The following TRPV5 variants were observed in gnomAD, a reference collection of about 807,000 sequenced individuals.
TRPV5 encodes the protein transient receptor potential cation channel subfamily V member 5.
Under a neutral mutation model 74.1 loss-of-function variants are expected in TRPV5, and 66 were observed. That is an observed-to-expected ratio of 0.89 (90% CI 0.73 to 1.09). TRPV5 has a LOEUF of 1.09. Ranked by LOEUF, TRPV5 falls within the 50% of genes least tolerant of loss-of-function variation. TRPV5 has a pLI of 0.00. For synonymous variants in TRPV5, 399 were observed against 360.7 expected (o/e 1.11, Z -1.20); for missense variants, 936 against 930.4 (o/e 1.01, Z -0.08).
At chr7:142,932,720 C>T (rs1267345081) in intron 1 of TRPV5, among the ~76,000 whole-genome samples, 3 of 152,130 alleles carry the variant, frequency 2.0e-5, no homozygotes, top group African/African-American at 4.8e-5. Flanking sequence ...TAGCCCTGCC[C>T]GAACTAAGAG....
intron 8 of TRPV5, among the ~76,000 whole-genome samples, chr7:142,918,427 C>G (rs1044353004): frequency 3.9e-5 from 6 of 152,248 alleles, no homozygotes; most frequent in African/African-American, 1.4e-4. Context: ...CCCATGCCAT[C>G]TACCATCTAG....
At position 142,915,562 on chromosome 7, in the gene TRPV5, A is replaced by G; in HGVS notation, c.1129T>C (p.Tyr377His). 2 of 1,614,094 alleles carry G rather than the reference A, an allele frequency of 1.2e-6. No individual in the cohort carries two copies. The highest frequency in any genetic ancestry group is 8.5e-7 in the Non-Finnish European group (1 of 1,179,990). Residue 377 changes from tyrosine (Y) to histidine (H), a missense_variant, in exon 9 of 15, where the codon TAT becomes CAT. Tyr to His is a moderately conservative substitution (Grantham distance 83, BLOSUM62 2). Coordinates refer to ENST00000265310, the MANE Select transcript of TRPV5 (RefSeq NM_019841.7). Reference protein sequence around the residue: ...ILQQKLLQEAYETREDIIRLV... With the variant: ...ILQQKLLQEAHETREDIIRLV... ...CTGATGATATCTTCACGTGTCTCAT[A>G]GGCCTCCTATGTGGGGAAATTCAGA... is the stretch of plus-strand genomic sequence containing the variant.
intron 8 of TRPV5, among the ~76,000 whole-genome samples, chr7:142,924,233 T>TATATATACATATACATGTATATATATAC (rs1795930827): frequency 1.4e-5 from 2 of 140,306 alleles, no homozygotes; most frequent in African/African-American, 5.5e-5. Flanking sequence ...TATATACATA[T>TATATATACATATACATGTATATATATAC]ATATATATAT....
chr7:142,908,907 C>CAGGGTCA, intron 14 of TRPV5, 99 bp from the exon 15 acceptor site: 1 of 1,233,668 alleles, frequency 8.1e-7, no homozygotes, highest in Non-Finnish European at 1.1e-6. Context: ...AAGAGGGAAG[C>CAGGGTCA]AGAAATAAGG....
rs1796046696 is a variant in TRPV5 at position 142,929,465 on chromosome 7, A to T, written c.450T>A (p.Thr150=). The T allele has an allele frequency of 6.2e-7, 1 of 1,614,154 alleles. No individual in the cohort carries two copies. Among genetic ancestry groups the T allele is most frequent in the Non-Finnish European group, 8.5e-7 (1 of 1,180,004 alleles). Residue 150 remains threonine (T), a synonymous_variant, in exon 4 of 15, where the codon ACT becomes ACA. Coordinates refer to ENST00000265310, the MANE Select transcript of TRPV5 (RefSeq NM_019841.7). ...GGTTGCGGGGACTATGGCGGAAGGC[A>T]GTGCCTGTGGCTCTGGCAGAGACAC... ...RASVSARATG[T]AFRHSPRNLI...
chr7:142,931,192 T>G (rs1297365425), intron 1 of TRPV5, among the ~76,000 whole-genome samples: 1 of 151,816 alleles, frequency 6.6e-6, no homozygotes, highest in Non-Finnish European at 1.5e-5. Context: ...CCAGCTAATT[T>G]TTTGTATTTT....
chr7:142,908,760 C>T lies in TRPV5; in HGVS notation c.1944G>A (p.Val648=). Residue 648 remains valine, a synonymous_variant, in exon 15 of 15, where the codon GTG becomes GTA. Transcript: ENST00000265310. ...DQNPLRVLRY[V]EVFKNSDKED... ...CCTTGTCTGAGTTCTTGAACACTTC[C>T]ACATAGCGAAGCACTCGCAGAGGAT... 6.2e-7 allele frequency: 1 copy of T among 1,613,916 alleles called. No individual in the cohort carries two copies. Among genetic ancestry groups the T allele is most frequent in the Non-Finnish European group, 8.5e-7 (1 of 1,180,016 alleles).
intron 8 of TRPV5, among the ~76,000 whole-genome samples, chr7:142,921,115 G>A (rs970533166): frequency 4.6e-5 from 7 of 152,136 alleles, no homozygotes; most frequent in African/African-American, 1.4e-4. Flanking sequence ...CAGAACTTAC[G>A]AGGGATGATG....
In TRPV5 at chr7:142,908,492, T is replaced by G. The variant is rs750438425; in HGVS notation, c.*22A>C. ...GCCCCCAGGCCAACCGGGAGTAAGG[T>G]CAAGAGTGATAGCGATGTTAATCAA... On this transcript the variant is annotated 3_prime_UTR_variant, in exon 15 of 15. Coordinates refer to ENST00000265310, the MANE Select transcript of TRPV5 (RefSeq NM_019841.7). The G allele has an allele frequency of 6.2e-7, 1 of 1,612,418 alleles. No individual in the cohort carries two copies. Among genetic ancestry groups the G allele is most frequent in the Non-Finnish European group, 8.5e-7 (1 of 1,178,602 alleles).
At chr7:142,928,995 A>G (rs1032407520) in intron 5 of TRPV5, 27 bp downstream of exon 5, 6 of 1,613,380 alleles carry the variant, frequency 3.7e-6, no homozygotes, top group East Asian at 2.2e-5. Context: ...ACAGCATCCC[A>G]GCTCCCCTCC....
chr7:142,917,491 A>G (rs977255413), intron 8 of TRPV5, among the ~76,000 whole-genome samples: 4 of 152,186 alleles, frequency 2.6e-5, no homozygotes, highest in Non-Finnish European at 4.4e-5. Context: ...GGGTGCCCCT[A>G]GAATCCAGCC....
chr7:142,915,117 C>G lies in TRPV5; in HGVS notation c.1287-71G>C, dbSNP rs1795771503. 1.3e-6 allele frequency: 2 copies of G among 1,573,886 alleles called. 1 individual carries two copies. The highest frequency in any genetic ancestry group is 3.7e-5 in the Admixed American group (2 of 54,598). On this transcript the variant is annotated intron_variant, in intron 10 of 14. Transcript: ENST00000265310. Reference sequence around the variant, plus strand: ...TTAGGTCCCTACAGCATAGTGGTGACCGGGGTGGTATCCACACACTCAGGC... The same window carrying G: ...TTAGGTCCCTACAGCATAGTGGTGAGCGGGGTGGTATCCACACACTCAGGC...
At chr7:142,927,764 T>C (rs377159413) in intron 7 of TRPV5, among the ~76,000 whole-genome samples, 1 of 151,390 alleles carries the variant, frequency 6.6e-6, no homozygotes, top group Non-Finnish European at 1.5e-5. Context: ...TGACATGAAA[T>C]TTTTGCATTT....
chr7:142,930,984 G>A (rs1796081104), intron 1 of TRPV5, among the ~76,000 whole-genome samples: 1 of 151,038 alleles, frequency 6.6e-6, no homozygotes, highest in African/African-American at 2.4e-5. Context: ...TGAAATTTGT[G>A]AGGCACTAAA....
rs1233404139 is a variant in TRPV5, at chr7:142,928,109, C to A, written c.888G>T (p.Val296=). 7 of 1,614,034 alleles carry A rather than the reference C, an allele frequency of 4.3e-6. No individual in the cohort carries two copies. The highest frequency in any genetic ancestry group is 5.1e-6 in the Non-Finnish European group (6 of 1,180,034). The change falls in exon 7 of 15, where the codon GTG becomes GTT. Residue 296 remains valine, a synonymous_variant. Coordinates refer to ENST00000265310, the MANE Select transcript of TRPV5 (RefSeq NM_019841.7). ...ATACCTCTCGTTTATCAGAGGAGAC[C>A]ACAAGCTCCAGGAAGGACAGCTCCT... ...WGEELSFLEL[V]VSSDKREARQ...
Position 142,917,107 on chromosome 7 carries a change from G to GT in TRPV5, c.1123-1540dup, listed in dbSNP as rs141825810. ...CGTTTTTTTTGTTTTGTTTTGTTTT[G>GT]TTTTTTTGTCCTCAGCTCTAGCAGC... On this transcript the variant is annotated intron_variant, in intron 8 of 14. Coordinates refer to ENST00000265310, the MANE Select transcript of TRPV5 (RefSeq NM_019841.7). Among the ~76,000 whole-genome samples the GT allele has an allele frequency of 6.6e-3, 970 of 147,530 alleles. 11 individuals are homozygous for GT. Among genetic ancestry groups the GT allele is most frequent in the African/African-American group, 0.023 (929 of 39,622 alleles).
At chr7:142,921,776 ACT>A (rs1795889804) in intron 8 of TRPV5, among the ~76,000 whole-genome samples, 1 of 152,150 alleles carries the variant, frequency 6.6e-6, no homozygotes. Context: ...ACCCTTTAAG[ACT>A]ATATAATTTG....
At chr7:142,926,673 G>A (rs181901003) in intron 7 of TRPV5, among the ~76,000 whole-genome samples, 860 of 152,216 alleles carry the variant, frequency 5.6e-3, no homozygotes, top group Non-Finnish European at 8.2e-3. Context: ...GATTTATGGA[G>A]GAAAAAAGCA....
At chr7:142,930,319 C>G in intron 2 of TRPV5, 30 bp downstream of exon 2, 1 of 1,610,362 alleles carries the variant, frequency 6.2e-7, no homozygotes, top group South Asian at 1.1e-5. Flanking sequence ...CTTCTGCCCC[C>G]ACCTCCATCC....
Sources: allele counts gnomAD v4.1 joint callset (sites outside exome capture counted in the v4.1 genomes callset), GRCh38; gene constraint gnomAD v4.1.1; transcripts MANE v1.5; gene names NCBI Gene and HGNC (gene_info 2026-07-23, HGNC 2026-07-21).